The following ZNF638 variants were observed in gnomAD, a reference collection of about 807,000 sequenced individuals.
ZNF638 encodes the protein zinc finger protein 638.
Under a neutral mutation model 195.6 loss-of-function variants are expected in ZNF638, and 46 were observed. The ratio of observed to expected loss-of-function variants is 0.24; its 90% CI spans 0.19 to 0.30. ZNF638 has a LOEUF of 0.30. Among genes scored for constraint, ZNF638 ranks in the 10% least tolerant of loss-of-function variants. ZNF638 has a pLI of 1.00. For synonymous variants in ZNF638, 845 were observed against 772.0 expected (o/e 1.09, Z -1.57); for missense variants, 2,440 against 2,325.3 (o/e 1.05, Z -1.01).
chr2:71,403,760 AGTT>A (rs1281993156), intron 16 of ZNF638, 107 bp from the exon 17 acceptor site: 2 of 702,732 alleles, frequency 2.8e-6, no homozygotes, highest in South Asian at 3.1e-5. Flanking sequence ...ATATTTACTA[AGTT>A]GTTCAATCCA....
At chr2:71,396,871 C>A (rs940244570) in intron 11 of ZNF638, among the ~76,000 whole-genome samples, 1 of 152,118 alleles carries the variant, frequency 6.6e-6, no homozygotes, top group Non-Finnish European at 1.5e-5. Flanking sequence ...CGCTTGAACC[C>A]GGGAGGTGGA....
chr2:71,395,408 C>T, intron 10 of ZNF638: 1 of 659,732 alleles, frequency 1.5e-6, no homozygotes, highest in South Asian at 1.7e-5. Flanking sequence ...AGACGCAAAC[C>T]TTCTTGGAAG....
chr2:71,353,390 A>C (rs2078974143), intron 2 of ZNF638, among the ~76,000 whole-genome samples: 1 of 152,228 alleles, frequency 6.6e-6, no homozygotes. Context: ...TGATACGAGT[A>C]GTTATATATT....
chr2:71,348,581 A>G (rs1170820429), intron 1 of ZNF638, 172 bp from the exon 2 acceptor site: 2 of 1,195,594 alleles, frequency 1.7e-6, no homozygotes, highest in Non-Finnish European at 2.1e-6. Context: ...AGGAAAGAAA[A>G]GAAGAGAAAG....
intron 10 of ZNF638, 160 bp from the exon 11 acceptor site, chr2:71,395,981 C>T (rs1027352923): frequency 1.5e-6 from 1 of 662,050 alleles, no homozygotes; most frequent in Non-Finnish European, 2.7e-6. Context: ...AAGTCCATAT[C>T]TAAGAATTTG....
chr2:71,400,886 G>A (rs1157789360), intron 15 of ZNF638, among the ~76,000 whole-genome samples: 2 of 152,150 alleles, frequency 1.3e-5, no homozygotes, highest in African/African-American at 4.8e-5. Flanking sequence ...TATGTTAATG[G>A]TTAGAATACC....
At chr2:71,356,748 C>T (rs1475528779) in intron 3 of ZNF638, among the ~76,000 whole-genome samples, 1 of 151,456 alleles carries the variant, frequency 6.6e-6, no homozygotes, top group Non-Finnish European at 1.5e-5. Flanking sequence ...ATGATTGTGC[C>T]ACTGCACTCT....
At chr2:71,390,638 G>C (rs2079753889) in intron 10 of ZNF638, among the ~76,000 whole-genome samples, 1 of 152,160 alleles carries the variant, frequency 6.6e-6, no homozygotes, top group Non-Finnish European at 1.5e-5. Context: ...AGCCGTAGGA[G>C]TGTATTGGAA....
chr2:71,373,160 T>C (rs2079346210), intron 8 of ZNF638, among the ~76,000 whole-genome samples: 1 of 152,224 alleles, frequency 6.6e-6, no homozygotes, highest in South Asian at 2.1e-4. Context: ...TTCTTCAGCT[T>C]TAAAAATTCG....
intron 1 of ZNF638, among the ~76,000 whole-genome samples, chr2:71,335,405 A>G (rs544978764): frequency 1.3e-5 from 2 of 152,328 alleles, no homozygotes; most frequent in South Asian, 4.1e-4. Flanking sequence ...CTTTTGAACC[A>G]AAATATATTT....
intron 4 of ZNF638, 69 bp from the exon 5 acceptor site, chr2:71,363,885 T>C (rs372937213): frequency 1.3e-6 from 2 of 1,512,456 alleles, no homozygotes; most frequent in Non-Finnish European, 8.9e-7. Flanking sequence ...AAGGTACTTC[T>C]GTCATTTATT....
rs192979334 is a variant in ZNF638, at chr2:71,360,952, A to G, written c.1380-2201A>G. ...TGCTCTGGGCAGCAGAGATGAGAACATGTGTTACCTAGTGAACAGGTCTGA... is the reference window on the plus strand; with the variant it reads ...TGCTCTGGGCAGCAGAGATGAGAACGTGTGTTACCTAGTGAACAGGTCTGA... On this transcript the variant is annotated intron_variant, in intron 3 of 27. Transcript: ENST00000264447. Among the ~76,000 whole-genome samples the G allele has an allele frequency of 3.2e-4, 48 of 152,286 alleles. 1 individual carries two copies. The highest frequency in any genetic ancestry group is 9.9e-4 in the African/African-American group (41 of 41,550).
chr2:71,366,973 C>T (rs1413030340), intron 6 of ZNF638, among the ~76,000 whole-genome samples: 3 of 152,124 alleles, frequency 2.0e-5, no homozygotes, highest in Non-Finnish European at 2.9e-5. Context: ...ATTAATAAGT[C>T]TTCAAGTATT....
In ZNF638 at chr2:71,426,669, A is replaced by G. The variant is rs1573172810; in HGVS notation, c.4800A>G (p.Thr1600=). 6.2e-7 allele frequency: 1 copy of G among 1,614,226 alleles called. No homozygotes were observed. The highest frequency in any genetic ancestry group is 2.2e-5 in the East Asian group (1 of 44,880). The change falls in exon 24 of 28, where the codon ACA becomes ACG. Residue 1600 remains threonine (T), a synonymous_variant. Coordinates refer to ENST00000264447, the MANE Select transcript of ZNF638 (RefSeq NM_014497.5). ...RGVEGELSFV[T]LDEIGEEEDA... is the part of the protein sequence containing the mutation. ...TTGAGGGAGAACTATCTTTTGTGAC[A>G]TTGGATGAGATTGGGGAAGAGGAAG...
chr2:71,376,176 AGAAAATAC>A (rs1357046543), intron 8 of ZNF638: 1 of 152,374 alleles, frequency 6.6e-6, no homozygotes, highest in African/African-American at 2.4e-5. Flanking sequence ...GAATAGGTAA[AGAAAATAC>A]GAGCACTAGA....
At chr2:71,402,542 T>C (rs2080028247) in intron 16 of ZNF638, among the ~76,000 whole-genome samples, 1 of 152,128 alleles carries the variant, frequency 6.6e-6, no homozygotes. Context: ...TTCTTCTACT[T>C]GTATTTCATA....
At position 71,349,790 on chromosome 2, in the gene ZNF638, C is replaced by G; in HGVS notation, c.836C>G (p.Ser279Cys). The G allele has an allele frequency of 6.2e-7, 1 of 1,614,178 alleles. No individual in the cohort carries two copies. The highest frequency in any genetic ancestry group is 8.5e-7 in the Non-Finnish European group (1 of 1,180,038). The change falls in exon 2 of 28, where the codon TCC becomes TGC. Residue 279 changes from serine (S) to cysteine (C), a missense_variant. Physicochemically the swap from Ser to Cys is moderately radical, Grantham distance 112. Transcript: ENST00000264447. ...FRQMDFPGES[S>C]NNRSFFSVES... ...CAAATGGACTTCCCCGGTGAGTCCT[C>G]CAATAATCGGTCCTTTTTCTCAGTT...
At chr2:71,380,945 G>GGCCC (rs2079525023) in intron 10 of ZNF638, 1 of 156,708 alleles carries the variant, frequency 6.4e-6, no homozygotes, top group Non-Finnish European at 1.4e-5. Flanking sequence ...GATTTTGGAG[G>GGCCC]TTAATTGAGA....
intron 2 of ZNF638, among the ~76,000 whole-genome samples, chr2:71,353,257 AT>A (rs1166954591): frequency 6.6e-6 from 1 of 152,208 alleles, no homozygotes; most frequent in African/African-American, 2.4e-5. Context: ...TGCTTGTTAA[AT>A]TGGGGTTCAG....
Sources: gnomAD v4.1 joint callset for allele counts (sites outside exome capture counted in the v4.1 genomes callset) on GRCh38, gnomAD v4.1.1 for gene constraint, MANE v1.5 for transcripts, NCBI Gene and HGNC (gene_info 2026-07-23, HGNC 2026-07-21) for gene names.